The following FAM222B variants were observed in gnomAD, a reference collection of about 807,000 sequenced individuals.
The protein encoded by FAM222B is family with sequence similarity 222 member B.
FAM222B carries 12 observed loss-of-function variants against 38.0 expected under a neutral mutation model. The ratio of observed to expected loss-of-function variants is 0.32; its 90% CI spans 0.20 to 0.51. FAM222B has a LOEUF of 0.51. Among genes scored for constraint, FAM222B ranks in the 20% least tolerant of loss-of-function variants. FAM222B has a pLI of 0.97. For synonymous variants in FAM222B, 329 were observed against 317.2 expected (o/e 1.04, Z -0.40); for missense variants, 716 against 754.2 (o/e 0.95, Z 0.59).
intron 1 of FAM222B, among the ~76,000 whole-genome samples, chr17:28,791,675 ATTTTTTT>A (rs869183871): frequency 5.1e-5 from 6 of 116,848 alleles, no homozygotes; most frequent in African/African-American, 2.0e-4. Context: ...GAGCCCAGGA[ATTTTTTT>A]TTTTTTTTTT....
intron 1 of FAM222B, among the ~76,000 whole-genome samples, chr17:28,792,049 C>T (rs113044547): frequency 0.19 from 28,516 of 151,140 alleles, 2,820 homozygotes; most frequent in South Asian, 0.3. Context: ...CAGTGGCTCA[C>T]GCCTGTAATC....
At chr17:28,850,555 C>A (rs1030073807) in intron 1 of FAM222B, among the ~76,000 whole-genome samples, 2 of 152,164 alleles carry the variant, frequency 1.3e-5, no homozygotes, top group African/African-American at 4.8e-5. Context: ...ACCTCGGCCT[C>A]CCGAAGTGCT....
Position 28,767,628 on chromosome 17 carries a change from G to A in FAM222B, c.-40-921C>T, listed in dbSNP as rs1367825197. 4.6e-5 allele frequency among the ~76,000 whole-genome samples: 7 copies of A among 150,774 alleles called. 1 individual carries two copies. Among genetic ancestry groups the A allele is most frequent in the Non-Finnish European group, 1.0e-4 (7 of 67,846 alleles). The stretch of plus-strand genomic sequence containing the variant: ...GCAGCTGGGATTACAGGCGCATGCC[G>A]CCATGCCCAGCCAATTTTTGTACTT... On this transcript the variant is annotated intron_variant, in intron 1 of 2. Transcript: ENST00000581407.
At chr17:28,806,507 G>A (rs2037503575) in intron 1 of FAM222B, among the ~76,000 whole-genome samples, 1 of 152,164 alleles carries the variant, frequency 6.6e-6, no homozygotes, top group Non-Finnish European at 1.5e-5. Context: ...CACACCTGTA[G>A]TCCCTTCGGT....
intron 1 of FAM222B, among the ~76,000 whole-genome samples, chr17:28,819,189 A>G (rs1158583210): frequency 6.6e-6 from 1 of 152,208 alleles, no homozygotes; most frequent in East Asian, 1.9e-4. Flanking sequence ...CAATTTAACC[A>G]AACACCATCT....
chr17:28,809,904 A>G (rs1251083305), intron 1 of FAM222B, among the ~76,000 whole-genome samples: 2 of 152,202 alleles, frequency 1.3e-5, no homozygotes, highest in African/African-American at 4.8e-5. Flanking sequence ...GGTAGAGAAC[A>G]TAAAAACCAC....
chr17:28,843,113 G>A (rs551221142), upstream of FAM222B, among the ~76,000 whole-genome samples: 2 of 151,788 alleles, frequency 1.3e-5, no homozygotes, highest in African/African-American at 4.8e-5. Flanking sequence ...GTGCTCTGAG[G>A]TGACCACTGA....
rs1597861538 is a variant in FAM222B at position 28,768,607 on chromosome 17, C to T, written c.-40-1900G>A. Among the ~76,000 whole-genome samples the T allele has an allele frequency of 2.0e-5, 3 of 151,936 alleles. No homozygotes were observed. In the South Asian group the frequency reaches 6.3e-4, roughly 32 times the overall value. On this transcript the variant is annotated intron_variant, in intron 1 of 2. Transcript: ENST00000581407. ...ATCCCAGCACTTTGGGAGGCCGAGG[C>T]GGGCAGATTACCTGAGGTCAGGAGT... is the stretch of plus-strand genomic sequence containing the variant.
rs2036281158 is a variant in FAM222B at position 28,784,005 on chromosome 17, G to A, written c.-40-17298C>T. ...AGTAGAGATGGGGTTTCACCATGTTGGCCAGGCTGGTCTCGAACTCTTAAC... is the reference window on the plus strand; with the variant it reads ...AGTAGAGATGGGGTTTCACCATGTTAGCCAGGCTGGTCTCGAACTCTTAAC... On this transcript the variant is annotated intron_variant, in intron 1 of 2. Transcript: ENST00000581407. Among the ~76,000 whole-genome samples the A allele has an allele frequency of 1.3e-5, 2 of 151,728 alleles. 1 individual carries two copies. Among genetic ancestry groups the A allele is most frequent in the South Asian group, 4.2e-4 (2 of 4,810 alleles).
intron 1 of FAM222B, among the ~76,000 whole-genome samples, chr17:28,813,087 T>G: frequency 1.1e-5 from 1 of 89,516 alleles, no homozygotes; most frequent in Non-Finnish European, 2.0e-5. Flanking sequence ...TATCTAGAAG[T>G]TGGTGGGGTG....
At chr17:28,821,025 G>A (rs185229621) in intron 1 of FAM222B, among the ~76,000 whole-genome samples, 4 of 149,630 alleles carry the variant, frequency 2.7e-5, no homozygotes, top group African/African-American at 4.9e-5. Context: ...GTGCAATCTC[G>A]GCTCACTGCA....
intron 1 of FAM222B, among the ~76,000 whole-genome samples, chr17:28,824,845 G>A (rs1326918909): frequency 2.0e-5 from 3 of 152,034 alleles, no homozygotes; most frequent in Non-Finnish European, 2.9e-5. Context: ...CATGATCTCA[G>A]CTCACCGCAA....
At chr17:28,802,233 G>A (rs1364972437) in intron 1 of FAM222B, among the ~76,000 whole-genome samples, 3 of 151,956 alleles carry the variant, frequency 2.0e-5, no homozygotes, top group African/African-American at 7.3e-5. Context: ...GAGTAGCTGG[G>A]ATTACAAGTG....
At chr17:28,771,638 GC>G (rs1462578378) in intron 1 of FAM222B, among the ~76,000 whole-genome samples, 1 of 152,092 alleles carries the variant, frequency 6.6e-6, no homozygotes, top group Non-Finnish European at 1.5e-5. Context: ...CTGAGATTTT[GC>G]CACTGCACAC....
In FAM222B at chr17:28,759,319, G is replaced by A. The variant is rs1480348025; in HGVS notation, c.640C>T (p.Leu214=). Residue 214 remains leucine, a synonymous_variant, in exon 3 of 3, where the codon CTG becomes TTG. Transcript: ENST00000581407. The surrounding 1 kb of genome is among the most constrained non-coding windows in gnomAD (Gnocchi z 4.8). The stretch of plus-strand genomic sequence containing the variant: ...GGGTGCTGGAGACCCTGGTGAGCCA[G>A]GGCCTGAGGGTGGACCAAGCCCTGG... The part of the protein sequence containing the change: ...QTQGLVHPQA[L]AHQGLQHPHN... 8.1e-6 allele frequency: 13 copies of A among 1,611,424 alleles called. No homozygotes were observed. The highest frequency in any genetic ancestry group is 1.1e-5 in the Non-Finnish European group (13 of 1,179,010).
chr17:28,808,072 T>C (rs991656409), intron 1 of FAM222B, among the ~76,000 whole-genome samples: 4 of 152,194 alleles, frequency 2.6e-5, no homozygotes, highest in Admixed American at 6.6e-5. Flanking sequence ...CAGGGCTCAG[T>C]TGGAAGATTC....
At position 28,775,679 on chromosome 17, in the gene FAM222B, G is replaced by C. The variant is rs1224380440; in HGVS notation, c.-40-8972C>G. Among the ~76,000 whole-genome samples, 4 of 151,808 alleles carry C rather than the reference G, an allele frequency of 2.6e-5. No individual in the cohort carries two copies. The East Asian group carries it at 7.7e-4, about 29-fold the overall frequency. On this transcript the variant is annotated intron_variant, in intron 1 of 2. Transcript: ENST00000581407. ...GTGGATCACTTGAGGTCAGGAGTTC[G>C]TGACCAGCCTGGCCAACATGGTGAA...
rs1567838640 is a variant in FAM222B, at chr17:28,790,883, A to AAATTTT, written c.-40-24177_-40-24176insAAAATT. 2.6e-3 allele frequency among the ~76,000 whole-genome samples: 23 copies of AAATTTT among 8,902 alleles called. 1 individual carries two copies. Among genetic ancestry groups the AAATTTT allele is most frequent in the African/African-American group, 0.012 (22 of 1,854 alleles). The allele number at this position is 8,902 out of a possible 152,430, so 5.8% of individuals were successfully genotyped here. On this transcript the variant is annotated intron_variant, in intron 1 of 2. Transcript: ENST00000581407. ...TGTTCTATATATTTCAAATTGTTTCACTTTTTTTTTTTTTTTTTTTTTTTT... is the reference window on the plus strand; with the variant it reads ...TGTTCTATATATTTCAAATTGTTTCAAATTTTCTTTTTTTTTTTTTTTTTTTTTTTT...
At chr17:28,792,598 T>C (rs746922373) in intron 1 of FAM222B, among the ~76,000 whole-genome samples, 6 of 151,886 alleles carry the variant, frequency 4.0e-5, no homozygotes, top group Non-Finnish European at 8.8e-5. Context: ...CTGGGCAACA[T>C]GGTGAAACCC....
Sources: gnomAD v4.1 joint callset for allele counts (sites outside exome capture counted in the v4.1 genomes callset) on GRCh38, gnomAD v4.1.1 for gene constraint, Gnocchi (gnomAD v3.1) non-coding constraint, MANE v1.5 for transcripts, NCBI Gene and HGNC (gene_info 2026-07-23, HGNC 2026-07-21) for gene names.